The following HDAC9 variants were observed in gnomAD, a reference collection of about 807,000 sequenced individuals.
HDAC9 encodes the protein MEF-2 interacting transcription repressor (MITR) protein.
HDAC9 carries 41 observed loss-of-function variants against 139.4 expected under a neutral mutation model. That is an observed-to-expected ratio of 0.29 (90% CI 0.23 to 0.38). HDAC9 has a LOEUF of 0.38. Ranked by LOEUF, HDAC9 falls within the 10% of genes least tolerant of loss-of-function variation. The pLI is 1.00. For synonymous variants in HDAC9, 517 were observed against 476.2 expected, an observed-to-expected ratio of 1.09 and a Z score of -1.12; for missense variants, 1,147 against 1,297.0, an observed-to-expected ratio of 0.88 and a Z score of 1.78.
At chr7:18,475,514 A>G (rs1175686839) in intron 1 of HDAC9, among the ~76,000 whole-genome samples, 2 of 152,190 alleles carry the variant, frequency 1.3e-5, no homozygotes, top group Admixed American at 6.5e-5. Flanking sequence ...CTGTAGCCCC[A>G]AACAAGGCAA....
chr7:18,482,551 A>G (rs964621265), intron 1 of HDAC9, among the ~76,000 whole-genome samples: 6 of 152,094 alleles, frequency 3.9e-5, no homozygotes, highest in Admixed American at 3.9e-4. Context: ...AGAGTTATCA[A>G]ATCTTACAAA....
intron 16 of HDAC9, among the ~76,000 whole-genome samples, chr7:18,787,509 C>T (rs1276304351): frequency 6.6e-6 from 1 of 152,156 alleles, no homozygotes; most frequent in South Asian, 2.1e-4. Flanking sequence ...TGCCTTCATG[C>T]TTGGTACATT....
At chr7:18,440,607 CTT>C (rs1791667669) in intron 1 of HDAC9, among the ~76,000 whole-genome samples, 1 of 152,066 alleles carries the variant, frequency 6.6e-6, no homozygotes, top group Non-Finnish European at 1.5e-5. Flanking sequence ...AATCTCTGTT[CTT>C]GTTTCCCTTT....
intron 22 of HDAC9, among the ~76,000 whole-genome samples, chr7:18,902,499 T>TC (rs1419188543): frequency 2.0e-5 from 3 of 152,116 alleles, no homozygotes; most frequent in Non-Finnish European, 4.4e-5. Flanking sequence ...AAAAAAGATT[T>TC]CCCCAAAGAT....
intron 1 of HDAC9, among the ~76,000 whole-genome samples, chr7:18,293,726 T>G (rs1797966768): frequency 6.6e-6 from 1 of 152,134 alleles, no homozygotes; most frequent in Admixed American, 6.6e-5. Context: ...CCATTTAGCT[T>G]GTCAGTGTCC....
intron 11 of HDAC9, among the ~76,000 whole-genome samples, chr7:18,664,777 C>T (rs1299215000): frequency 6.6e-6 from 1 of 152,110 alleles, no homozygotes; most frequent in African/African-American, 2.4e-5. Flanking sequence ...TCTTATAACA[C>T]CTTGTGTTTC....
intron 2 of HDAC9, chr7:18,162,698 A>G (rs1787719269): frequency 4.7e-6 from 1 of 212,262 alleles, no homozygotes; most frequent in South Asian, 7.2e-5. Flanking sequence ...ATGTGTCTGT[A>G]TGCTTTTAAA....
intron 13 of HDAC9, among the ~76,000 whole-genome samples, chr7:18,732,953 A>ATGTATGTGTATATACACG (rs1786433431): frequency 2.1e-5 from 2 of 93,196 alleles, no homozygotes; most frequent in African/African-American, 1.2e-4. Context: ...ACACACGTGT[A>ATGTATGTGTATATACACG]TGTGTGTGTA....
chr7:18,323,133 T>A (rs1800154020), intron 1 of HDAC9, among the ~76,000 whole-genome samples: 1 of 152,198 alleles, frequency 6.6e-6, no homozygotes, highest in African/African-American at 2.4e-5. Flanking sequence ...GTAGCAAACC[T>A]ACTCTTCTAG....
chr7:18,455,381 A>C (rs982784489), intron 1 of HDAC9, among the ~76,000 whole-genome samples: 1 of 151,974 alleles, frequency 6.6e-6, no homozygotes, highest in Non-Finnish European at 1.5e-5. Context: ...TTTTTGTGTA[A>C]TTTTAGCCAG....
At chr7:18,548,942 A>C (rs1318139784) in intron 2 of HDAC9, among the ~76,000 whole-genome samples, 1 of 152,210 alleles carries the variant, frequency 6.6e-6, no homozygotes, top group African/African-American at 2.4e-5. Flanking sequence ...CTGATTCTTT[A>C]AAGATATAAA....
chr7:18,234,889 G>A (rs1055922067), intron 2 of HDAC9, among the ~76,000 whole-genome samples: 6 of 152,220 alleles, frequency 3.9e-5, no homozygotes, highest in African/African-American at 1.4e-4. Context: ...AGAGAAGGAA[G>A]TTAATGACCA....
chr7:18,452,015 A>G (rs912823230), intron 1 of HDAC9, among the ~76,000 whole-genome samples: 2 of 152,188 alleles, frequency 1.3e-5, no homozygotes, highest in African/African-American at 4.8e-5. Context: ...ATACTTCACT[A>G]AAGTATTAGG....
chr7:18,906,703 G>C (rs148680694), intron 22 of HDAC9, among the ~76,000 whole-genome samples: 1 of 152,174 alleles, frequency 6.6e-6, no homozygotes. Flanking sequence ...CTTGTTTGAC[G>C]GCCTCCTACA....
chr7:18,416,403 T>G (rs766107375), intron 1 of HDAC9, among the ~76,000 whole-genome samples: 1 of 152,188 alleles, frequency 6.6e-6, no homozygotes, highest in Non-Finnish European at 1.5e-5. Context: ...AGGTTTTGAT[T>G]ATTAGAGTAA....
intron 1 of HDAC9, among the ~76,000 whole-genome samples, chr7:18,451,699 G>A (rs775227269): frequency 2.0e-5 from 3 of 151,780 alleles, no homozygotes; most frequent in Admixed American, 6.6e-5. Flanking sequence ...GAGGTGCTTC[G>A]GCGGGGGTTG....
At chr7:18,993,394 A>G (rs1053936186) in intron 25 of HDAC9, among the ~76,000 whole-genome samples, 1 of 152,212 alleles carries the variant, frequency 6.6e-6, no homozygotes, top group African/African-American at 2.4e-5. Flanking sequence ...GACTGATTCA[A>G]AGTCAAATTT....
chr7:18,430,510 CATT>C (rs2128761640), intron 1 of HDAC9: 1 of 152,260 alleles, frequency 6.6e-6, no homozygotes, highest in African/African-American at 2.4e-5. Flanking sequence ...AGGTGTGAGT[CATT>C]GTTCCTCACC....
chr7:18,838,358 AC>A (rs1385463450), intron 21 of HDAC9, among the ~76,000 whole-genome samples: 1 of 152,024 alleles, frequency 6.6e-6, no homozygotes, highest in East Asian at 1.9e-4. Flanking sequence ...GTATTGTTCA[AC>A]CTGTGCTTCT....
Sources: allele counts gnomAD v4.1 joint callset (sites outside exome capture counted in the v4.1 genomes callset), GRCh38; gene constraint gnomAD v4.1.1; transcripts MANE v1.5; gene names NCBI Gene and HGNC (gene_info 2026-07-23, HGNC 2026-07-21).